The following COG5 variants were observed in gnomAD, a reference collection of about 807,000 sequenced individuals.
COG5 encodes component of oligomeric golgi complex 5, also known as conserved oligomeric Golgi complex subunit 5.
In COG5, 86 loss-of-function variants were observed where a neutral mutation model predicts 110.4. The observed-to-expected ratio is 0.78, with a 90% CI of 0.65 to 0.93. The LOEUF is 0.93. Ranked by LOEUF, COG5 falls within the 40% of genes least tolerant of loss-of-function variation. The probability of loss-of-function intolerance (pLI) is 0.00; values close to 1 mark genes in which losing one functional copy is unlikely to be tolerated. For synonymous variants in COG5, 360 were observed against 334.6 expected (o/e 1.08, Z -0.83); for missense variants, 1,077 against 987.0 (o/e 1.09, Z -1.22).
At chr7:107,399,308 T>C (rs1273450529) in intron 7 of COG5, among the ~76,000 whole-genome samples, 1 of 152,198 alleles carries the variant, frequency 6.6e-6, no homozygotes, top group Non-Finnish European at 1.5e-5. Context: ...AAAATATTTA[T>C]GATATGGTTT....
chr7:107,476,325 C>A (rs913798977), intron 6 of COG5, among the ~76,000 whole-genome samples: 3 of 149,170 alleles, frequency 2.0e-5, no homozygotes, highest in Non-Finnish European at 4.5e-5. Flanking sequence ...GACTTTAAAT[C>A]ATTATAGAAA....
intron 3 of COG5, 140 bp from the exon 4 acceptor site, chr7:107,548,472 T>A: frequency 1.3e-6 from 1 of 773,368 alleles, no homozygotes; most frequent in Non-Finnish European, 2.3e-6. Context: ...CCAGTATCTT[T>A]TACCCACACT....
At chr7:107,512,009 C>T (rs1042603130) in intron 6 of COG5, among the ~76,000 whole-genome samples, 19 of 152,296 alleles carry the variant, frequency 1.2e-4, no homozygotes, top group African/African-American at 4.3e-4. Context: ...CCTCTCTCAC[C>T]ACTCCTATTC....
intron 10 of COG5, among the ~76,000 whole-genome samples, chr7:107,357,478 T>C (rs1459309055): frequency 6.6e-6 from 1 of 152,174 alleles, no homozygotes; most frequent in East Asian, 1.9e-4. Flanking sequence ...AATAGGTATG[T>C]GTGTGTGGCA....
At chr7:107,232,383 A>G (rs1329196038) in intron 18 of COG5, among the ~76,000 whole-genome samples, 1 of 152,234 alleles carries the variant, frequency 6.6e-6, no homozygotes, top group East Asian at 1.9e-4. Context: ...TATCTTTGAT[A>G]TAATTCCATT....
intron 9 of COG5, 38 bp downstream of exon 9, chr7:107,362,270 T>A (rs1043105902): frequency 6.6e-7 from 1 of 1,511,534 alleles, no homozygotes; most frequent in Admixed American, 1.7e-5. Context: ...CAGGAGTTAA[T>A]CCATATTAAT....
intron 6 of COG5, among the ~76,000 whole-genome samples, chr7:107,448,516 A>G (rs1172375639): frequency 6.6e-6 from 1 of 151,966 alleles, no homozygotes; most frequent in Non-Finnish European, 1.5e-5. Context: ...TTCTCTTCCT[A>G]TGCTCACCCC....
chr7:107,503,160 T>A (rs114997010), intron 6 of COG5, among the ~76,000 whole-genome samples: 1 of 152,134 alleles, frequency 6.6e-6, no homozygotes, highest in Non-Finnish European at 1.5e-5. Context: ...CTTTGATCCA[T>A]CTTGGGTTGA....
In COG5 at chr7:107,548,288, C is replaced by T; in HGVS notation, c.337G>A (p.Ala113Thr). The change falls in exon 4 of 22, where the codon GCT becomes ACT. Residue 113 changes from alanine (A) to threonine (T), a missense_variant. Ala to Thr is a moderately conservative substitution (Grantham distance 58). Transcript: ENST00000297135. ...AATTAAGAACAGTACCTATCAACAGCTCCCTGTAAAGCCCCAATTCTCGTC... is the reference window on the plus strand; with the variant it reads ...AATTAAGAACAGTACCTATCAACAGTTCCCTGTAAAGCCCCAATTCTCGTC... ...MQTRIGALQG[A>T]VDRIKAKIVE... is the part of the protein sequence containing the mutation. 1 of 1,613,122 alleles carries T rather than the reference C, an allele frequency of 6.2e-7. No individual in the cohort carries two copies. The highest frequency in any genetic ancestry group is 1.1e-5 in the South Asian group (1 of 91,058).
Position 107,363,739 on chromosome 7 carries a change from C to T in COG5, c.836-1319G>A, listed in dbSNP as rs550488753. Among the ~76,000 whole-genome samples the T allele has an allele frequency of 1.3e-4, 20 of 152,144 alleles. No homozygotes were observed. The South Asian group carries it at 3.7e-3, about 28-fold the overall frequency. On this transcript the variant is annotated intron_variant, in intron 8 of 21. Transcript: ENST00000297135. ...TGAGAGGCCAAGGTGGACGGATCACCTGAAGTCAGGATTCGAGACCAGCTT... is the reference window on the plus strand; with the variant it reads ...TGAGAGGCCAAGGTGGACGGATCACTTGAAGTCAGGATTCGAGACCAGCTT...
Position 107,236,525 on chromosome 7 carries a change from A to G in COG5, c.2016T>C (p.Leu672=). 1 of 1,614,208 alleles carries G rather than the reference A, an allele frequency of 6.2e-7. No homozygotes were observed. Among genetic ancestry groups the G allele is most frequent in the South Asian group, 1.1e-5 (1 of 91,076 alleles). The change falls in exon 18 of 22, where the codon CTT becomes CTC. Residue 672 remains leucine, a synonymous_variant. Transcript: ENST00000297135. ...TEAIAQRAVE[L]FIRHASLIRP... ...TTATGAGACTGGCATGGCGGATAAAAAGTTCAACAGCTCTTTGGGCAATAG... is the reference window on the plus strand; with the variant it reads ...TTATGAGACTGGCATGGCGGATAAAGAGTTCAACAGCTCTTTGGGCAATAG...
intron 6 of COG5, among the ~76,000 whole-genome samples, chr7:107,449,008 G>T (rs1237124580): frequency 6.6e-6 from 1 of 152,102 alleles, no homozygotes; most frequent in East Asian, 1.9e-4. Context: ...ACCATTCACA[G>T]TTGAGAAAAA....
At chr7:107,245,348 T>C (rs1390089143) in intron 17 of COG5, among the ~76,000 whole-genome samples, 1 of 152,112 alleles carries the variant, frequency 6.6e-6, no homozygotes, top group African/African-American at 2.4e-5. Context: ...AACACAGTAT[T>C]GGAGGTCCTA....
chr7:107,476,892 G>A (rs1299438924), intron 6 of COG5, among the ~76,000 whole-genome samples: 1 of 151,636 alleles, frequency 6.6e-6, no homozygotes, highest in East Asian at 1.9e-4. Flanking sequence ...AATCCTTGGA[G>A]AAATGAATAC....
chr7:107,433,410 C>T (rs998488759), intron 6 of COG5, among the ~76,000 whole-genome samples: 2 of 152,156 alleles, frequency 1.3e-5, no homozygotes, highest in African/African-American at 4.8e-5. Context: ...GCAAGTTTCA[C>T]ACCTGCTGGC....
At chr7:107,426,134 T>C (rs1793628389) in intron 6 of COG5, among the ~76,000 whole-genome samples, 1 of 152,182 alleles carries the variant, frequency 6.6e-6, no homozygotes, top group African/African-American at 2.4e-5. Flanking sequence ...CCTCCAGAAT[T>C]GTAAGACAAC....
rs1428102653 is a variant in COG5, at chr7:107,527,201, TACTA to T, written c.538+32_538+35del. On this transcript the variant is annotated intron_variant, in intron 6 of 21. Coordinates refer to ENST00000297135, the MANE Select transcript of COG5 (RefSeq NM_006348.5). ...AGTGACTTAAAAATATTTAAATCTC[TACTA>T]ACTTTTTATTTAAAAAAAAAAAAAA... is the stretch of plus-strand genomic sequence containing the variant. 11 of 1,497,640 alleles carry T rather than the reference TACTA, an allele frequency of 7.3e-6. No homozygotes were observed. The East Asian group carries it at 7.4e-5, about 10-fold the overall frequency. The allele number at this position is 1,497,640 out of a possible 1,614,324, so 92.8% of individuals were successfully genotyped here. A position where few individuals can be genotyped will look rare whatever the true frequency, so the allele number is the denominator to read the frequency against.
At chr7:107,556,139 A>G (rs971051045) in intron 2 of COG5, among the ~76,000 whole-genome samples, 1 of 152,200 alleles carries the variant, frequency 6.6e-6, no homozygotes, top group Admixed American at 6.5e-5. Flanking sequence ...TAGTCATCAG[A>G]TATCTAGAGG....
intron 12 of COG5, among the ~76,000 whole-genome samples, chr7:107,295,083 ATATATATATATATATATATTTTTTTT>A (rs2116894405): frequency 3.1e-5 from 2 of 65,062 alleles, no homozygotes; most frequent in African/African-American, 1.3e-4. Flanking sequence ...ATATATATAT[ATATATATATATATATATATTTTTTTT>A]TTTTTTTTGT....
Sources: allele counts gnomAD v4.1 joint callset (sites outside exome capture counted in the v4.1 genomes callset), GRCh38; gene constraint gnomAD v4.1.1; transcripts MANE v1.5; gene names NCBI Gene and HGNC (gene_info 2026-07-23, HGNC 2026-07-21).